ZNF131: variants seen among roughly 807,000 people sequenced by gnomAD.
ZNF131 encodes the protein zinc finger and BTB domain containing 35.
ZNF131 carries 7 observed loss-of-function variants against 60.0 expected under a neutral mutation model. That is an observed-to-expected ratio of 0.12 (90% CI 0.07 to 0.22). The LOEUF (loss-of-function observed/expected upper bound fraction) is 0.22, where lower values mean the gene tolerates loss of function less well. ZNF131 is among the 10% of genes least tolerant of loss of function. The pLI is 1.00. For missense variants in ZNF131, 493 were observed against 740.9 expected (o/e 0.67, Z 3.88); for synonymous variants, 257 against 253.2 (o/e 1.01, Z -0.14).
intron 5 of ZNF131, among the ~76,000 whole-genome samples, chr5:43,167,392 G>A (rs1009364977): frequency 2.0e-5 from 3 of 152,138 alleles, no homozygotes; most frequent in Non-Finnish European, 4.4e-5. Flanking sequence ...AATTAGGTCT[G>A]TAAGCAGTTT....
chr5:43,167,156 C>T (rs956701392), intron 5 of ZNF131, among the ~76,000 whole-genome samples: 4 of 152,154 alleles, frequency 2.6e-5, no homozygotes, highest in African/African-American at 9.7e-5. Context: ...GGGTTCAGGG[C>T]ACCCCAAAAC....
chr5:43,131,439 C>G (rs576535873), intron 3 of ZNF131, among the ~76,000 whole-genome samples: 1 of 152,284 alleles, frequency 6.6e-6, no homozygotes, highest in East Asian at 1.9e-4. Flanking sequence ...TCCCAAAGTG[C>G]TGGGATTATA....
chr5:43,163,211 C>T (rs1749960780), intron 5 of ZNF131, among the ~76,000 whole-genome samples: 1 of 151,904 alleles, frequency 6.6e-6, no homozygotes. Context: ...AACTCCTGAC[C>T]TCGTGATCCG....
In ZNF131 at chr5:43,174,843, G is replaced by T; in HGVS notation, c.1582G>T (p.Gly528Cys). The stretch of plus-strand genomic sequence containing the variant: ...GGTCCAAGTGAGTTATCTAGAAGTG[G>T]GCCGAATTCAGACTGAAGAAGGTAC... ...EQVQVSYLEV[G>C]RIQTEEGTEV... Residue 528 changes from glycine to cysteine, a missense_variant, in exon 7 of 7, where the codon GGC (glycine) becomes TGC (cysteine). Physicochemically the swap from Gly to Cys is radical, Grantham distance 159. This residue lies in a region of ZNF131 where 202 missense variants were observed against 221.3 expected (regional missense o/e 0.91). Transcript: ENST00000682664. The T allele has an allele frequency of 6.2e-7, 1 of 1,614,116 alleles. No homozygotes were observed. The highest frequency in any genetic ancestry group is 8.5e-7 in the Non-Finnish European group (1 of 1,180,038).
intron 3 of ZNF131, among the ~76,000 whole-genome samples, chr5:43,134,227 AAATTAGTT>A (rs1745727426): frequency 6.6e-6 from 1 of 152,226 alleles, no homozygotes; most frequent in South Asian, 2.1e-4. Flanking sequence ...CAACATAGGA[AAATTAGTT>A]AATGTGATAT....
chr5:43,141,459 T>C (rs1746812719), intron 4 of ZNF131, among the ~76,000 whole-genome samples: 1 of 152,150 alleles, frequency 6.6e-6, no homozygotes, highest in Non-Finnish European at 1.5e-5. Flanking sequence ...TATGTCACTT[T>C]GGAGAAGATT....
At chr5:43,123,936 G>A (rs1212649005) in intron 3 of ZNF131, 1 of 151,882 alleles carries the variant, frequency 6.6e-6, no homozygotes, top group Non-Finnish European at 1.5e-5. Flanking sequence ...GTTGTGATAT[G>A]TAGTTTTGTG....
chr5:43,171,256 CTTCTT>C (rs1341585811), intron 5 of ZNF131, among the ~76,000 whole-genome samples: 14 of 152,076 alleles, frequency 9.2e-5, no homozygotes, highest in African/African-American at 3.1e-4. Flanking sequence ...TCTGTCCCCT[CTTCTT>C]TTATTCTAGA....
chr5:43,127,997 C>A (rs991983747), intron 3 of ZNF131, among the ~76,000 whole-genome samples: 1 of 152,208 alleles, frequency 6.6e-6, no homozygotes, highest in African/African-American at 2.4e-5. Context: ...GTTTATACAT[C>A]TTTTTGAGTA....
chr5:43,132,026 A>T (rs1262093730), intron 3 of ZNF131, among the ~76,000 whole-genome samples: 1 of 152,202 alleles, frequency 6.6e-6, no homozygotes, highest in Non-Finnish European at 1.5e-5. Context: ...AAGTGAGTTA[A>T]TGCTTGTAAA....
chr5:43,144,993 A>G (rs1235490633), intron 4 of ZNF131, among the ~76,000 whole-genome samples: 1 of 151,910 alleles, frequency 6.6e-6, no homozygotes, highest in East Asian at 1.9e-4. Context: ...TTTATGTTTT[A>G]CATTTTCCAT....
chr5:43,134,693 CTTTTTTTTTTTTT>C (rs149464238), intron 3 of ZNF131, among the ~76,000 whole-genome samples: 1 of 88,408 alleles, frequency 1.1e-5, no homozygotes, highest in Non-Finnish European at 2.0e-5. Flanking sequence ...TTCTTTTTTT[CTTTTTTTTTTTTT>C]TTTTTTTTTG....
intron 3 of ZNF131, among the ~76,000 whole-genome samples, chr5:43,136,973 C>T (rs1032238354): frequency 2.6e-5 from 4 of 152,090 alleles, no homozygotes; most frequent in Admixed American, 2.6e-4. Context: ...GGAATGTTTT[C>T]TGCAACAAAT....
chr5:43,174,380 AAATG>A (rs1751350781), intron 6 of ZNF131, 63 bp from the exon 7 acceptor site: 1 of 1,331,024 alleles, frequency 7.5e-7, no homozygotes, highest in Non-Finnish European at 1.0e-6. Context: ...TACAGAGAAT[AAATG>A]CATTCATATT....
intron 3 of ZNF131, among the ~76,000 whole-genome samples, chr5:43,136,558 C>A (rs542408412): frequency 1.1e-3 from 151 of 140,946 alleles, no homozygotes; most frequent in African/African-American, 3.7e-3. Context: ...GTAATCTTGG[C>A]CCACTGCAGC....
intron 5 of ZNF131, among the ~76,000 whole-genome samples, chr5:43,165,209 T>C (rs1226757719): frequency 2.0e-5 from 3 of 151,728 alleles, no homozygotes; most frequent in Non-Finnish European, 4.4e-5. Flanking sequence ...GTATTTCTTT[T>C]TTTTTTTTTT....
intron 4 of ZNF131, among the ~76,000 whole-genome samples, chr5:43,142,438 T>G (rs1032355940): frequency 4.7e-5 from 7 of 148,878 alleles, no homozygotes; most frequent in Non-Finnish European, 3.0e-5. Context: ...CGAGTAGCTG[T>G]GATTACAGGC....
At chr5:43,142,369 C>T (rs1746962551) in intron 4 of ZNF131, among the ~76,000 whole-genome samples, 1 of 140,654 alleles carries the variant, frequency 7.1e-6, no homozygotes, top group African/African-American at 2.6e-5. Flanking sequence ...CTGGTGAGAT[C>T]TCGGCTCACT....
intron 4 of ZNF131, among the ~76,000 whole-genome samples, chr5:43,150,986 C>T (rs1748233293): frequency 6.6e-6 from 1 of 152,294 alleles, no homozygotes; most frequent in East Asian, 1.9e-4. Context: ...AGGTGACTTT[C>T]TTTTTCGGTT....
Sources: allele counts gnomAD v4.1 joint callset (sites outside exome capture counted in the v4.1 genomes callset), GRCh38; gene constraint gnomAD v4.1.1; regional missense constraint gnomAD v4.1.1; transcripts MANE v1.5; gene names NCBI Gene and HGNC (gene_info 2026-07-23, HGNC 2026-07-21).